The following TRHDE variants were observed in gnomAD, a reference collection of about 807,000 sequenced individuals.
TRHDE encodes thyrotropin-releasing hormone-degrading ectoenzyme.
In TRHDE, 72 loss-of-function variants were observed where a neutral mutation model predicts 125.7. That is an observed-to-expected ratio of 0.57 (90% CI 0.47 to 0.70). The LOEUF (loss-of-function observed/expected upper bound fraction) is 0.70, where lower values mean the gene tolerates loss of function less well. TRHDE is among the 30% of genes least tolerant of loss of function. The probability of loss-of-function intolerance (pLI) is 0.00; values close to 1 mark genes in which losing one functional copy is unlikely to be tolerated. For missense variants in TRHDE, 1,110 were observed against 1,327.1 expected (o/e 0.84, Z 2.54); for synonymous variants, 509 against 509.1 (o/e 1.00, Z 0.00).
chr12:72,551,960 C>T lies in TRHDE; in HGVS notation c.1788+9604C>T, dbSNP rs556767602. On this transcript the variant is annotated intron_variant, in intron 7 of 18. Coordinates refer to ENST00000261180, the MANE Select transcript of TRHDE (RefSeq NM_013381.3). The stretch of plus-strand genomic sequence containing the variant: ...GGAGATTCCAAGAAGAGGGAGGAGC[C>T]CTACAAAGGGTTAAGACAAGAACTG... Among the ~76,000 whole-genome samples the T allele has an allele frequency of 2.0e-5, 3 of 151,770 alleles. No homozygotes were observed. In the South Asian group the frequency reaches 6.3e-4, roughly 32 times the overall value.
intron 7 of TRHDE, among the ~76,000 whole-genome samples, chr12:72,554,428 A>C (rs1869825200): frequency 6.6e-6 from 1 of 152,240 alleles, no homozygotes. Flanking sequence ...ATCCAAGATC[A>C]CATGACTGGT....
At chr12:72,356,612 G>C (rs1022852181) in intron 2 of TRHDE, among the ~76,000 whole-genome samples, 2 of 151,504 alleles carry the variant, frequency 1.3e-5, no homozygotes, top group African/African-American at 4.8e-5. Context: ...GATGTGAGAA[G>C]TTATGTGGTT....
Position 72,517,640 on chromosome 12 carries a change from G to T in TRHDE, c.1722+18005G>T, listed in dbSNP as rs1439431268. Among the ~76,000 whole-genome samples, 764 of 151,814 alleles carry T rather than the reference G, an allele frequency of 5.0e-3. 11 individuals are homozygous for T. Among genetic ancestry groups the T allele is most frequent in the African/African-American group, 0.016 (671 of 41,380 alleles). On this transcript the variant is annotated intron_variant, in intron 6 of 18. Transcript: ENST00000261180. ...TTTGAAGGGTTTTTTGTGTCTCTATGTCCTTCAGTTCTGCTCTGATTTTAG... is the reference window on the plus strand; with the variant it reads ...TTTGAAGGGTTTTTTGTGTCTCTATTTCCTTCAGTTCTGCTCTGATTTTAG...
intron 7 of TRHDE, among the ~76,000 whole-genome samples, chr12:72,558,131 A>G (rs1592534571): frequency 6.6e-6 from 1 of 152,114 alleles, no homozygotes; most frequent in South Asian, 2.1e-4. Flanking sequence ...GACTGGCAGG[A>G]TCATTACTCT....
At chr12:72,185,350 C>T (rs1451923384) in intron 2 of TRHDE, among the ~76,000 whole-genome samples, 2 of 152,344 alleles carry the variant, frequency 1.3e-5, no homozygotes, top group South Asian at 2.1e-4. Context: ...GCTCCTGTGC[C>T]GCCCTAGCCT....
chr12:72,456,916 G>A (rs983547855), intron 3 of TRHDE, among the ~76,000 whole-genome samples: 3 of 151,850 alleles, frequency 2.0e-5, no homozygotes, highest in African/African-American at 7.3e-5. Context: ...ACTAGTAATG[G>A]GTTTTGAAAA....
At chr12:72,478,922 CA>C (rs67346703) in intron 5 of TRHDE, among the ~76,000 whole-genome samples, 2,570 of 106,184 alleles carry the variant, frequency 0.024, 23 homozygotes, top group African/African-American at 0.074. Context: ...TTTTTTTTAG[CA>C]AAAAAAAAAA....
chr12:72,270,932 A>G (rs541595117), upstream of TRHDE, among the ~76,000 whole-genome samples: 1 of 152,362 alleles, frequency 6.6e-6, no homozygotes, highest in Non-Finnish European at 1.5e-5. Context: ...ATTGATAACT[A>G]TCCTAACAAA....
intron 10 of TRHDE, among the ~76,000 whole-genome samples, chr12:72,569,135 C>T (rs886904647): frequency 6.6e-6 from 1 of 152,006 alleles, no homozygotes; most frequent in Admixed American, 6.6e-5. Flanking sequence ...GGTTAGCAAG[C>T]CATCTCTTAG....
At chr12:72,521,205 C>T in intron 6 of TRHDE, among the ~76,000 whole-genome samples, 1 of 152,174 alleles carries the variant, frequency 6.6e-6, no homozygotes, top group East Asian at 1.9e-4. Flanking sequence ...CTTTCAGATG[C>T]AATTTCATTC....
chr12:72,139,954 A>G (rs1389633789), intron 2 of TRHDE, among the ~76,000 whole-genome samples: 1 of 152,114 alleles, frequency 6.6e-6, no homozygotes, highest in Non-Finnish European at 1.5e-5. Flanking sequence ...TACGAAACAG[A>G]CTCTTCATGG....
At chr12:72,302,236 G>A (rs1160762462) in intron 2 of TRHDE, among the ~76,000 whole-genome samples, 2 of 72,114 alleles carry the variant, frequency 2.8e-5, no homozygotes, top group East Asian at 4.4e-4. Context: ...TATTATCTAT[G>A]TGTGTGTGTA....
intron 3 of TRHDE, among the ~76,000 whole-genome samples, chr12:72,412,668 G>A (rs577307336): frequency 6.6e-6 from 1 of 152,186 alleles, no homozygotes; most frequent in South Asian, 2.1e-4. Flanking sequence ...TCGAGTGTAA[G>A]TAAATAGTAG....
At chr12:72,212,504 C>T (rs1353254479) in intron 2 of TRHDE, among the ~76,000 whole-genome samples, 1 of 152,048 alleles carries the variant, frequency 6.6e-6, no homozygotes, top group Non-Finnish European at 1.5e-5. Flanking sequence ...ATAAGTATCA[C>T]AATTCAATGA....
At chr12:72,509,403 G>A (rs548182588) in intron 6 of TRHDE, among the ~76,000 whole-genome samples, 10 of 151,664 alleles carry the variant, frequency 6.6e-5, no homozygotes, top group Non-Finnish European at 1.3e-4. Flanking sequence ...TTATCTATCT[G>A]AATTCTTCTC....
At chr12:72,644,240 G>C (rs1399790332) in intron 15 of TRHDE, among the ~76,000 whole-genome samples, 1 of 152,144 alleles carries the variant, frequency 6.6e-6, no homozygotes, top group Non-Finnish European at 1.5e-5. Context: ...CTAGCACATA[G>C]GCAAATGATC....
intron 2 of TRHDE, among the ~76,000 whole-genome samples, chr12:72,205,275 C>G (rs1877641173): frequency 6.6e-6 from 1 of 151,822 alleles, no homozygotes; most frequent in Admixed American, 6.6e-5. Flanking sequence ...AGCTATAATC[C>G]TCTGAATTAG....
intron 6 of TRHDE, among the ~76,000 whole-genome samples, chr12:72,534,898 TG>T (rs1161837482): frequency 6.6e-6 from 1 of 152,006 alleles, no homozygotes; most frequent in African/African-American, 2.4e-5. Flanking sequence ...CATGGGATAA[TG>T]GGAAGAAGAG....
intron 3 of TRHDE, among the ~76,000 whole-genome samples, chr12:72,384,654 G>A (rs1271750380): frequency 2.0e-5 from 3 of 152,240 alleles, no homozygotes; most frequent in South Asian, 4.1e-4. Flanking sequence ...TAGGATCTAT[G>A]TATCATGCTG....
Sources: allele counts gnomAD v4.1 joint callset (sites outside exome capture counted in the v4.1 genomes callset), GRCh38; gene constraint gnomAD v4.1.1; transcripts MANE v1.5; gene names NCBI Gene and HGNC (gene_info 2026-07-23, HGNC 2026-07-21).